Variants in DOT1L observed in about 807,000 individuals in gnomAD.
DOT1L encodes the protein histone-lysine N-methyltransferase, H3 lysine-79 specific.
DOT1L carries 33 observed loss-of-function variants against 153.3 expected under a neutral mutation model. The ratio of observed to expected loss-of-function variants is 0.22; its 90% CI spans 0.16 to 0.29. The LOEUF (loss-of-function observed/expected upper bound fraction) is 0.29, where lower values mean the gene tolerates loss of function less well. DOT1L is among the 10% of genes least tolerant of loss of function. The pLI is 1.00. For synonymous variants in DOT1L, 1,135 were observed against 965.1 expected, an observed-to-expected ratio of 1.18 and a Z score of -3.26; for missense variants, 1,847 against 2,119.9, an observed-to-expected ratio of 0.87 and a Z score of 2.53.
Position 2,207,495 on chromosome 19 carries a change from C to T in DOT1L, c.857-79C>T, listed in dbSNP as rs189694477. ...CGCAGCTCAGGCTTCTGTCCCCACGCCTGCCCTGGGGTGGGTGAGGTCTGC... is the reference window on the plus strand; with the variant it reads ...CGCAGCTCAGGCTTCTGTCCCCACGTCTGCCCTGGGGTGGGTGAGGTCTGC... On this transcript the variant is annotated intron_variant, in intron 10 of 27. Transcript: ENST00000398665. The surrounding 1 kb of genome is among the most constrained non-coding windows in gnomAD (Gnocchi z 4.5). 552 of 1,259,618 alleles carry T rather than the reference C, an allele frequency of 4.4e-4. 4 individuals are homozygous for T. In the East Asian group the frequency reaches 8.8e-3, roughly 20 times the overall value. The allele number at this position is 1,259,618 out of a possible 1,614,324, so 78.0% of individuals were successfully genotyped here.
intron 27 of DOT1L, chr19:2,228,505 G>A (rs2024463467): frequency 3.7e-5 from 44 of 1,178,438 alleles, no homozygotes; most frequent in South Asian, 3.4e-4. Flanking sequence ...GAGGGAGAGA[G>A]CCAGGGAGAC....
intron 8 of DOT1L, among the ~76,000 whole-genome samples, 192 bp downstream of exon 8, chr19:2,200,131 C>A (rs959747808): frequency 3.9e-5 from 6 of 152,094 alleles, no homozygotes; most frequent in Non-Finnish European, 8.8e-5. Flanking sequence ...GCAGACGTGC[C>A]CAGCAGAGCC....
intron 27 of DOT1L, chr19:2,228,329 G>T (rs918390731): frequency 9.0e-6 from 12 of 1,334,696 alleles, no homozygotes; most frequent in Non-Finnish European, 1.1e-5. Flanking sequence ...CGCACCTTTC[G>T]GGGGTTAAGC....
Position 2,227,143 on chromosome 19 carries a change from G to C in DOT1L, c.4606+16G>C. The C allele has an allele frequency of 6.4e-7, 1 of 1,554,202 alleles. No homozygotes were observed. The highest frequency in any genetic ancestry group is 2.3e-5 in the East Asian group (1 of 42,566). On this transcript the variant is annotated intron_variant, in intron 27 of 27. Transcript: ENST00000398665. ...ACAGTTGGAGGTAGGCAGGGCGGCC[G>C]TCCGTCCGCCCCCCGCCCCGGCCCC...
chr19:2,226,904 C>T lies in DOT1L; in HGVS notation c.4383C>T (p.His1461=). The part of the protein sequence containing the change: ...AGGAASSAQT[H]RSFLGPFPPG... ...GCGCGGCGTCCTCCGCCCAGACGCA[C>T]CGGTCCTTCCTGGGCCCCTTCCCGC... The change falls in exon 27 of 28, where the codon CAC becomes CAT. Residue 1461 remains histidine, a synonymous_variant. Transcript: ENST00000398665. 1 of 1,579,150 alleles carries T rather than the reference C, an allele frequency of 6.3e-7. No homozygotes were observed. The highest frequency in any genetic ancestry group is 8.5e-7 in the Non-Finnish European group (1 of 1,171,408).
rs2024320623 is a variant in DOT1L at position 2,226,167 on chromosome 19, C to T, written c.3662-16C>T. The T allele has an allele frequency of 5.3e-6, 8 of 1,512,704 alleles. No individual in the cohort carries two copies. Among genetic ancestry groups the T allele is most frequent in the Non-Finnish European group, 7.1e-6 (8 of 1,129,834 alleles). 93.7% of individuals were successfully genotyped at this position (1,512,704 alleles called of 1,614,324 possible). ...GGTGCTCTGGGCTCACGGCTTCTGC[C>T]TTTCCTCTTTGCCAGGTGGTGGCTT... On this transcript the variant is annotated splice_polypyrimidine_tract_variant and intron_variant, in intron 26 of 27. Transcript: ENST00000398665.
intron 12 of DOT1L, 92 bp from the exon 13 acceptor site, chr19:2,210,308 C>A (rs2023660508): frequency 2.6e-6 from 3 of 1,149,034 alleles, no homozygotes; most frequent in Non-Finnish European, 3.6e-6. Flanking sequence ...GGGCCCGTGG[C>A]CCCCTTGAGT....
chr19:2,212,316 C>T (rs1250931267), intron 16 of DOT1L: 1 of 153,284 alleles, frequency 6.5e-6, no homozygotes, highest in Non-Finnish European at 1.5e-5. Flanking sequence ...GCACCCACCA[C>T]CACATCCGGC....
chr19:2,194,654 C>T, intron 7 of DOT1L, 77 bp downstream of exon 7: 1 of 1,510,068 alleles, frequency 6.6e-7, no homozygotes, highest in African/African-American at 1.4e-5. Context: ...CCCCTCCTTT[C>T]TTGCCGATGT....
intron 26 of DOT1L, 80 bp downstream of exon 26, chr19:2,225,532 C>G: frequency 7.0e-7 from 1 of 1,420,616 alleles, no homozygotes; most frequent in Non-Finnish European, 1.0e-6. Flanking sequence ...GACCCACCTG[C>G]TGGCCCGCTG....
chr19:2,229,503 G>A (rs1385017396), intron 27 of DOT1L: 1 of 985,364 alleles, frequency 1.0e-6, no homozygotes, highest in Non-Finnish European at 1.2e-6. Context: ...CTTAGGAGAT[G>A]AGCTGCAGGT....
chr19:2,224,647 T>C (rs2144920155), intron 25 of DOT1L, among the ~76,000 whole-genome samples: 1 of 152,160 alleles, frequency 6.6e-6, no homozygotes, highest in South Asian at 2.1e-4. Context: ...TTTTTTTGTT[T>C]TATAGAGATC....
At chr19:2,205,427 AGCAGCCTT>A (rs1409418217) in intron 9 of DOT1L, among the ~76,000 whole-genome samples, 1 of 152,204 alleles carries the variant, frequency 6.6e-6, no homozygotes, top group African/African-American at 2.4e-5. Context: ...GACGCTTAGC[AGCAGCCTT>A]GCAGGTGCCT....
intron 8 of DOT1L, among the ~76,000 whole-genome samples, chr19:2,201,833 T>C (rs2023298958): frequency 6.6e-6 from 1 of 152,360 alleles, no homozygotes. Context: ...GCCCCAGCCC[T>C]AGGCTCAGCC....
intron 9 of DOT1L, 98 bp downstream of exon 9, chr19:2,202,877 C>T: frequency 8.1e-7 from 1 of 1,230,658 alleles, no homozygotes; most frequent in South Asian, 1.2e-5. Context: ...GCAGCTCAGA[C>T]TTGGGGTCTT....
chr19:2,186,026 G>A (rs2022491180), intron 3 of DOT1L, 97 bp downstream of exon 3: 1 of 1,150,444 alleles, frequency 8.7e-7, no homozygotes, highest in African/African-American at 1.5e-5. Flanking sequence ...TTCTTAGATG[G>A]TGCAAGCTGA....
At chr19:2,218,456 C>G (rs905897127) in intron 22 of DOT1L, among the ~76,000 whole-genome samples, 1 of 149,040 alleles carries the variant, frequency 6.7e-6, no homozygotes, top group African/African-American at 2.5e-5. Flanking sequence ...TGCAGTGGTG[C>G]GATCTCGGCT....
chr19:2,224,915 G>A (rs2024267955), intron 25 of DOT1L, among the ~76,000 whole-genome samples: 1 of 152,212 alleles, frequency 6.6e-6, no homozygotes, highest in South Asian at 2.1e-4. Flanking sequence ...GTGTGTCCCT[G>A]GTGTGTTCTT....
rs949097499 is a variant in DOT1L, at chr19:2,193,384, C to T, written c.494-305C>T. Among the ~76,000 whole-genome samples the T allele has an allele frequency of 6.6e-6, 1 of 152,236 alleles. No homozygotes were observed. The highest frequency in any genetic ancestry group is 2.4e-5 in the African/African-American group (1 of 41,456). ...CCTGCAAAGTCTTGGGCAGCCCTGT[C>T]TGTCTGAACAGTGAACATCACATAG... is the stretch of plus-strand genomic sequence containing the variant. On this transcript the variant is annotated intron_variant, in intron 5 of 27. Transcript: ENST00000398665. This position sits in a 1 kb window ranked among gnomAD's most constrained non-coding sequence, Gnocchi z 5.9.
Sources: allele counts gnomAD v4.1 joint callset (sites outside exome capture counted in the v4.1 genomes callset), GRCh38; gene constraint gnomAD v4.1.1; non-coding constraint Gnocchi (gnomAD v3.1); transcripts MANE v1.5; gene names NCBI Gene and HGNC (gene_info 2026-07-23, HGNC 2026-07-21).